The following SVIL variants were observed in gnomAD, a reference collection of about 807,000 sequenced individuals.
SVIL encodes archvillin.
In SVIL, 101 loss-of-function variants were observed where a neutral mutation model predicts 240.4. The observed-to-expected ratio is 0.42, with a 90% CI of 0.36 to 0.50. The LOEUF is 0.50. Among genes scored for constraint, SVIL ranks in the 20% least tolerant of loss-of-function variants. The pLI is 0.01. For synonymous variants in SVIL, 999 were observed against 1,100.0 expected (o/e 0.91, Z 1.82); for missense variants, 2,512 against 2,818.7 (o/e 0.89, Z 2.46).
At chr10:29,712,435 C>A (rs1025506162) in intron 1 of SVIL, among the ~76,000 whole-genome samples, 1 of 152,180 alleles carries the variant, frequency 6.6e-6, no homozygotes, top group African/African-American at 2.4e-5. Flanking sequence ...GACCTTCTTC[C>A]TCTCTCTCTT....
At chr10:29,470,853 C>A (rs7906814) in intron 31 of SVIL, among the ~76,000 whole-genome samples, 58,082 of 151,934 alleles carry the variant, frequency 0.38, 11,395 homozygotes, top group East Asian at 0.54. Flanking sequence ...CATAATTTAT[C>A]ATAGAAGAGC....
intron 1 of SVIL, among the ~76,000 whole-genome samples, chr10:29,583,551 C>T (rs1159208828): frequency 3.3e-5 from 5 of 152,266 alleles, no homozygotes; most frequent in South Asian, 2.1e-4. Flanking sequence ...CCTCCCACCT[C>T]GGCCTCCTAG....
At chr10:29,732,103 A>G (rs1964656334) in intron 1 of SVIL, among the ~76,000 whole-genome samples, 1 of 152,162 alleles carries the variant, frequency 6.6e-6, no homozygotes, top group Non-Finnish European at 1.5e-5. Flanking sequence ...AACTCTTTAC[A>G]CGCCTCCAAT....
At chr10:29,661,575 C>T (rs377241280) in intron 2 of SVIL, among the ~76,000 whole-genome samples, 21 of 152,184 alleles carry the variant, frequency 1.4e-4, no homozygotes, top group African/African-American at 3.1e-4. Context: ...CATTTCTTTC[C>T]GGACAAAACA....
chr10:29,477,736 T>G (rs1327078638), intron 29 of SVIL, among the ~76,000 whole-genome samples: 1 of 152,242 alleles, frequency 6.6e-6, no homozygotes, highest in East Asian at 1.9e-4. Flanking sequence ...CTGCTTTAAC[T>G]TAATTCTCTA....
intron 1 of SVIL, among the ~76,000 whole-genome samples, chr10:29,721,887 G>A (rs985934076): frequency 6.6e-6 from 1 of 152,152 alleles, no homozygotes; most frequent in Non-Finnish European, 1.5e-5. Context: ...TATTTTGTCT[G>A]GCTTGCAGGC....
chr10:29,621,211 T>C (rs1006760897), intron 1 of SVIL, among the ~76,000 whole-genome samples: 8 of 152,190 alleles, frequency 5.3e-5, no homozygotes. Context: ...AGAAATGCAA[T>C]GGAGAATGAT....
rs1777359654 is a variant in SVIL, at chr10:29,735,489, G to A, written c.-400+262C>T. ...CCGGGGACGGAAGTGGGTGGGAGCC[G>A]CGGCCGCGCCGCGCCTTTGTTACGG... On this transcript the variant is annotated intron_variant, in intron 1 of 35. Transcript: ENST00000375400. The surrounding 1 kb of genome is among the most constrained non-coding windows in gnomAD (Gnocchi z 4.1). Among the ~76,000 whole-genome samples the A allele has an allele frequency of 6.6e-6, 1 of 151,548 alleles. No homozygotes were observed. Among genetic ancestry groups the A allele is most frequent in the Non-Finnish European group, 1.5e-5 (1 of 67,814 alleles).
At chr10:29,498,342 C>T (rs138160237) in intron 18 of SVIL, among the ~76,000 whole-genome samples, 7,229 of 150,874 alleles carry the variant, frequency 0.048, 475 homozygotes, top group African/African-American at 0.15. Flanking sequence ...TGCTTGAACC[C>T]GGGAGGTGGA....
intron 17 of SVIL, among the ~76,000 whole-genome samples, chr10:29,511,724 G>C (rs981277425): frequency 1.3e-5 from 2 of 152,146 alleles, no homozygotes; most frequent in African/African-American, 4.8e-5. Context: ...TTAACACCAT[G>C]TATGTCTCAA....
Position 29,484,878 on chromosome 10 carries a change from A to T in SVIL, c.4780-47T>A. The T allele has an allele frequency of 1.3e-6, 2 of 1,545,168 alleles. No homozygotes were observed. The highest frequency in any genetic ancestry group is 1.8e-6 in the Non-Finnish European group (2 of 1,138,554). On this transcript the variant is annotated intron_variant, in intron 26 of 37. Coordinates refer to ENST00000355867, the MANE Select transcript of SVIL (RefSeq NM_021738.3). This position sits in a 1 kb window ranked among gnomAD's most constrained non-coding sequence, Gnocchi z 4.7. ...AATTTGTTAACTTCAAGAACATGCAACAGTTGAATCAGGTGCAACAGGGTC... is the reference window on the plus strand; with the variant it reads ...AATTTGTTAACTTCAAGAACATGCATCAGTTGAATCAGGTGCAACAGGGTC...
intron 1 of SVIL, among the ~76,000 whole-genome samples, chr10:29,592,126 C>G (rs890129238): frequency 6.6e-6 from 1 of 152,110 alleles, no homozygotes; most frequent in Non-Finnish European, 1.5e-5. Flanking sequence ...GTGGTATATG[C>G]CTATAATCCC....
At chr10:29,473,240 A>T (rs1396393269) in intron 30 of SVIL, among the ~76,000 whole-genome samples, 2 of 152,166 alleles carry the variant, frequency 1.3e-5, no homozygotes, top group Non-Finnish European at 2.9e-5. Context: ...GGAGTGACCC[A>T]ATCTGACCTG....
chr10:29,675,717 A>C (rs1302788818), intron 2 of SVIL, among the ~76,000 whole-genome samples: 1 of 152,132 alleles, frequency 6.6e-6, no homozygotes, highest in Non-Finnish European at 1.5e-5. Flanking sequence ...CCAATAGAAA[A>C]ACCATACCGT....
At chr10:29,723,476 C>T (rs964873543) in intron 1 of SVIL, among the ~76,000 whole-genome samples, 4 of 152,170 alleles carry the variant, frequency 2.6e-5, no homozygotes, top group South Asian at 2.1e-4. Flanking sequence ...CTGAAACTTT[C>T]GGTATTCACT....
At chr10:29,717,836 A>C (rs545020599) in intron 1 of SVIL, among the ~76,000 whole-genome samples, 2 of 152,332 alleles carry the variant, frequency 1.3e-5, no homozygotes, top group South Asian at 2.1e-4. Context: ...TTCAACTATA[A>C]ATTTTATAAA....
chr10:29,668,620 C>G (rs534435211), intron 2 of SVIL, among the ~76,000 whole-genome samples: 1 of 152,260 alleles, frequency 6.6e-6, no homozygotes, highest in East Asian at 1.9e-4. Context: ...ACTACAGGCA[C>G]GTGCTACCAC....
chr10:29,539,109 G>C (rs1282405468), intron 6 of SVIL, among the ~76,000 whole-genome samples: 1 of 152,122 alleles, frequency 6.6e-6, no homozygotes, highest in Non-Finnish European at 1.5e-5. Flanking sequence ...AGGCTGCAGT[G>C]AGCTATGATT....
Position 29,532,133 on chromosome 10 carries a change from C to T in SVIL, c.1878G>A (p.Leu626=), listed in dbSNP as rs1232519896. The change falls in exon 9 of 38, where the codon TTG becomes TTA. Residue 626 remains leucine, a synonymous_variant. Coordinates refer to ENST00000355867, the MANE Select transcript of SVIL (RefSeq NM_021738.3). ...CTCTCTCCCGTTCCACACCGGTGGG[C>T]AAGCCAGGTCCTTCAGCCGACCTCT... The part of the protein sequence containing the change: ...RVERSAEGPG[L]PTGVERERGS... 6.2e-7 allele frequency: 1 copy of T among 1,613,864 alleles called. No homozygotes were observed. Among genetic ancestry groups the T allele is most frequent in the Admixed American group, 1.7e-5 (1 of 59,998 alleles).
Sources: allele counts gnomAD v4.1 joint callset (sites outside exome capture counted in the v4.1 genomes callset), GRCh38; gene constraint gnomAD v4.1.1; non-coding constraint Gnocchi (gnomAD v3.1); transcripts MANE v1.5; gene names NCBI Gene and HGNC (gene_info 2026-07-23, HGNC 2026-07-21).